LRP10: variants seen among roughly 807,000 people sequenced by gnomAD.
The protein encoded by LRP10 is low-density lipoprotein receptor-related protein 10.
A neutral mutation model predicts 58.5 loss-of-function variants in LRP10; 42 were observed. The ratio of observed to expected loss-of-function variants is 0.72; its 90% CI spans 0.56 to 0.93. LRP10 has a LOEUF of 0.93. Ranked by LOEUF, LRP10 falls within the 40% of genes least tolerant of loss-of-function variation. LRP10 has a pLI of 0.00. For missense variants in LRP10, 872 were observed against 940.1 expected (o/e 0.93, Z 0.95); for synonymous variants, 377 against 388.5 (o/e 0.97, Z 0.35).
chr14:22,872,372 T>A (rs1423937944), intron 1 of LRP10, 35 bp downstream of exon 1: 1 of 1,613,542 alleles, frequency 6.2e-7, no homozygotes, highest in Non-Finnish European at 8.5e-7. Flanking sequence ...CCCAGCCTTC[T>A]GTCACCGGGC....
chr14:22,873,483 C>G, intron 3 of LRP10, 37 bp downstream of exon 3: 1 of 1,602,144 alleles, frequency 6.2e-7, no homozygotes, highest in African/African-American at 1.3e-5. Flanking sequence ...CCATTCTTCT[C>G]CCCTGCCCCT....
In LRP10 at chr14:22,876,236, G is replaced by A; in HGVS notation, c.1288G>A (p.Glu430Lys). Reference sequence around the variant, plus strand: ...GCCAGACTGTGCGGACGGCAGTGATGAGTGGGACTGCTCCTATGTTCTGCC... The same window carrying A: ...GCCAGACTGTGCGGACGGCAGTGATAAGTGGGACTGCTCCTATGTTCTGCC... ...GQPDCADGSD[E>K]WDCSYVLPRK... The change falls in exon 5 of 7, where the codon GAG becomes AAG. Residue 430 changes from glutamate to lysine, a missense_variant. Coordinates refer to ENST00000359591, the MANE Select transcript of LRP10 (RefSeq NM_014045.5). The A allele has an allele frequency of 6.2e-7, 1 of 1,614,216 alleles. No homozygotes were observed. Among genetic ancestry groups the A allele is most frequent in the Non-Finnish European group, 8.5e-7 (1 of 1,180,040 alleles).
In LRP10 at chr14:22,876,052, C is replaced by T. The variant is rs780634991; in HGVS notation, c.1104C>T (p.Thr368=). 9 of 1,613,286 alleles carry T rather than the reference C, an allele frequency of 5.6e-6. No individual in the cohort carries two copies. The South Asian group carries it at 9.9e-5, about 18-fold the overall frequency. Residue 368 remains threonine, a synonymous_variant, in exon 5 of 7, where the codon ACC becomes ACT. Coordinates refer to ENST00000359591, the MANE Select transcript of LRP10 (RefSeq NM_014045.5). ...ACTTCCCCTGTGGGGCTGCTGGCAC[C>T]TCTGGTGCCACAGCCTGCTACCTGC... ...PGHFPCGAAG[T]SGATACYLPA... is the part of the protein sequence containing the mutation.
rs1295748192 is a variant in LRP10 at position 22,875,445 on chromosome 14, G to A, written c.497G>A (p.Gly166Asp). The stretch of plus-strand genomic sequence containing the variant: ...CGCTGTGATGGGGTTGATGCCTGTG[G>A]CGATGGCTCTGATGAAGCAGGTTGC... ...VQRCDGVDAC[G>D]DGSDEAGCSS... Residue 166 changes from glycine (G) to aspartate (D), a missense_variant, in exon 5 of 7, where the codon GGC (glycine) becomes GAC (aspartate). Physicochemically the swap from Gly to Asp is moderately conservative, Grantham distance 94. Coordinates refer to ENST00000359591, the MANE Select transcript of LRP10 (RefSeq NM_014045.5). 1 of 1,614,154 alleles carries A rather than the reference G, an allele frequency of 6.2e-7. No individual in the cohort carries two copies. The highest frequency in any genetic ancestry group is 1.1e-5 in the South Asian group (1 of 91,088).
Position 22,875,958 on chromosome 14 carries a change from G to A in LRP10, c.1010G>A (p.Arg337His), listed in dbSNP as rs770074265. The change falls in exon 5 of 7, where the codon CGC becomes CAC. Residue 337 changes from arginine to histidine, a missense_variant. By Grantham distance (29) the Arg-to-His change is conservative (BLOSUM62 0). Coordinates refer to ENST00000359591, the MANE Select transcript of LRP10 (RefSeq NM_014045.5). ...LGERCYSEAQRCDGSWDCADG... is the reference protein window; with the variant it reads ...LGERCYSEAQHCDGSWDCADG... The stretch of plus-strand genomic sequence containing the variant: ...GAGCGCTGCTACAGTGAGGCACAGC[G>A]CTGTGACGGCTCATGGGACTGTGCT... 37 of 1,613,460 alleles carry A rather than the reference G, an allele frequency of 2.3e-5. No homozygotes were observed. The highest frequency in any genetic ancestry group is 9.9e-5 in the South Asian group (9 of 91,094).
At chr14:22,875,009 C>A in intron 3 of LRP10, 46 bp from the exon 4 acceptor site, 1 of 1,373,028 alleles carries the variant, frequency 7.3e-7, no homozygotes, top group Non-Finnish European at 9.6e-7. Flanking sequence ...AGAAAGCCAG[C>A]AGCAGTCAAG....
chr14:22,872,804 G>A (rs1286112708), intron 2 of LRP10, 22 bp downstream of exon 2: 7 of 1,613,656 alleles, frequency 4.3e-6, no homozygotes, highest in African/African-American at 4.0e-5. Context: ...GAACCTCTGG[G>A]GCTCCGTGGG....
In LRP10 at chr14:22,877,470, A is replaced by T; in HGVS notation, c.2085A>T (p.Pro695=). The change falls in exon 7 of 7, where the codon CCA becomes CCT. Residue 695 remains proline (P), a synonymous_variant. Coordinates refer to ENST00000359591, the MANE Select transcript of LRP10 (RefSeq NM_014045.5). The surrounding 1 kb of genome is among the most constrained non-coding windows in gnomAD (Gnocchi z 5.1). ...ATGAGGACGATGTGCTACTGGTGCC[A>T]CTGGCTGAGCCGGGGGTGTGGGTAG... ...LEDEDDVLLV[P]LAEPGVWVAE... is the part of the protein sequence containing the mutation. The T allele has an allele frequency of 6.2e-7, 1 of 1,612,744 alleles. No individual in the cohort carries two copies. The highest frequency in any genetic ancestry group is 1.1e-5 in the South Asian group (1 of 91,062).
chr14:22,871,990 G>A lies in LRP10; in HGVS notation c.-314G>A. ...GCCAGACCAGGGGCGCTCGCTGCCT[G>A]CGGGCGGGCTGTAGGCGAGGGCGCG... On this transcript the variant is annotated 5_prime_UTR_variant, in exon 1 of 7. Coordinates refer to ENST00000359591, the MANE Select transcript of LRP10 (RefSeq NM_014045.5). 1.9e-6 allele frequency: 1 copy of A among 517,070 alleles called. No homozygotes were observed. Among genetic ancestry groups the A allele is most frequent in the Non-Finnish European group, 3.4e-6 (1 of 290,452 alleles). 32.0% of individuals were successfully genotyped at this position (517,070 alleles called of 1,614,324 possible).
intron 3 of LRP10, 129 bp from the exon 4 acceptor site, chr14:22,874,926 G>T: frequency 3.8e-6 from 2 of 522,270 alleles, no homozygotes; most frequent in South Asian, 1.0e-4. Flanking sequence ...GTTTTCATTT[G>T]GCCATTTAGA....
Position 22,878,908 on chromosome 14 carries a change from GGAAGGAAGATCGAGGCAGAAGATGTA to G in LRP10, c.*1390_*1415del. On this transcript the variant is annotated 3_prime_UTR_variant, in exon 7 of 7. Transcript: ENST00000359591. ...AGTGACAGAAGCTGCCCCAGAGTTT[GGAAGGAAGATCGAGGCAGAAGATGTA>G]GAAGGAAGCTGTGGGGGTGGGAGTG... 3.7e-6 allele frequency: 1 copy of G among 271,898 alleles called. No individual in the cohort carries two copies. The highest frequency in any genetic ancestry group is 7.8e-6 in the Non-Finnish European group (1 of 128,916). 16.8% of individuals were successfully genotyped at this position (271,898 alleles called of 1,614,324 possible).
rs200149859 is a variant in LRP10, at chr14:22,877,106, G to C, written c.1721G>C (p.Arg574Pro). 2 of 1,613,278 alleles carry C rather than the reference G, an allele frequency of 1.2e-6. No individual in the cohort carries two copies. Among genetic ancestry groups the C allele is most frequent in the Non-Finnish European group, 8.5e-7 (1 of 1,179,658 alleles). ...CTCCCTCGAACCAACACCCCGGCTCGGGCCTCTGAGGCCAGATCCCAGGTC... is the reference window on the plus strand; with the variant it reads ...CTCCCTCGAACCAACACCCCGGCTCCGGCCTCTGAGGCCAGATCCCAGGTC... ...GLLPRTNTPARASEARSQVTP... is the reference protein window; with the variant it reads ...GLLPRTNTPAPASEARSQVTP... Residue 574 changes from arginine (R) to proline (P), a missense_variant, in exon 7 of 7, where the codon CGG becomes CCG. Transcript: ENST00000359591. The surrounding 1 kb of genome is among the most constrained non-coding windows in gnomAD (Gnocchi z 5.1).
rs189303378 is a variant in LRP10, at chr14:22,872,868, G to A, written c.79+86G>A. ...ACTCTCTGTTCCCTGAATTCCATGG[G>A]ACCTACCAAAGTTTTAGAGGGGAGA... On this transcript the variant is annotated intron_variant, in intron 2 of 6. Coordinates refer to ENST00000359591, the MANE Select transcript of LRP10 (RefSeq NM_014045.5). 2.0e-3 allele frequency: 2,779 copies of A among 1,422,810 alleles called. 5 individuals carry two copies. Among genetic ancestry groups the A allele is most frequent in the Admixed American group, 2.6e-3 (148 of 56,304 alleles). 88.1% of individuals were successfully genotyped at this position (1,422,810 alleles called of 1,614,324 possible). A position where few individuals can be genotyped will look rare whatever the true frequency, so the allele number is the denominator to read the frequency against.
At chr14:22,873,986 G>A (rs1304002474) in intron 3 of LRP10, among the ~76,000 whole-genome samples, 1 of 152,188 alleles carries the variant, frequency 6.6e-6, no homozygotes, top group Non-Finnish European at 1.5e-5. Flanking sequence ...CTTGAGTCCT[G>A]CGCATCTCCA....
Position 22,877,735 on chromosome 14 carries a change from T to A in LRP10, c.*208T>A, listed in dbSNP as rs1300308944. ...GAGAGGGCTCACAGAGTCTCCTCTG[T>A]ACGTGGCCATGGCCAGACACCCCAG... On this transcript the variant is annotated 3_prime_UTR_variant, in exon 7 of 7. Transcript: ENST00000359591. This position sits in a 1 kb window ranked among gnomAD's most constrained non-coding sequence, Gnocchi z 5.1. 4.0e-6 allele frequency: 2 copies of A among 495,878 alleles called. No individual in the cohort carries two copies. The highest frequency in any genetic ancestry group is 7.1e-6 in the Non-Finnish European group (2 of 281,882). 30.7% of individuals were successfully genotyped at this position (495,878 alleles called of 1,614,324 possible).
At position 22,875,607 on chromosome 14, in the gene LRP10, G is replaced by T; in HGVS notation, c.659G>T (p.Cys220Phe). 1 of 1,614,144 alleles carries T rather than the reference G, an allele frequency of 6.2e-7. No individual in the cohort carries two copies. Among genetic ancestry groups the T allele is most frequent in the Non-Finnish European group, 8.5e-7 (1 of 1,180,046 alleles). ...HLASVSHPQS[C>F]HWLLDPHDGR... is the part of the protein sequence containing the mutation. ...GCCTCAGTCTCCCACCCCCAGTCCTGCCATTGGCTGCTGGACCCCCATGAT... is the reference window on the plus strand; with the variant it reads ...GCCTCAGTCTCCCACCCCCAGTCCTTCCATTGGCTGCTGGACCCCCATGAT... The change falls in exon 5 of 7, where the codon TGC (cysteine) becomes TTC (phenylalanine). Residue 220 changes from cysteine to phenylalanine, a missense_variant. Cys to Phe is a radical substitution (Grantham distance 205). Coordinates refer to ENST00000359591, the MANE Select transcript of LRP10 (RefSeq NM_014045.5).
At chr14:22,873,191 G>A in intron 2 of LRP10, 120 bp from the exon 3 acceptor site, 2 of 1,248,126 alleles carry the variant, frequency 1.6e-6, no homozygotes, top group South Asian at 2.9e-5. Flanking sequence ...GGCAGGGGCA[G>A]ATACTCTGCT....
At position 22,876,307 on chromosome 14, in the gene LRP10, C is replaced by A; in HGVS notation, c.1359C>A (p.Gly453=). Residue 453 remains glycine, a synonymous_variant, in exon 5 of 7, where the codon GGC becomes GGA. Coordinates refer to ENST00000359591, the MANE Select transcript of LRP10 (RefSeq NM_014045.5). ...TAAVIGSLVC[G]LLLVIALGCT... is the part of the protein sequence containing the mutation. Reference sequence around the variant, plus strand: ...CAGTCATTGGCAGCCTAGTGTGCGGCCTGCTCCTGGTCATCGCCCTGGGCT... The same window carrying A: ...CAGTCATTGGCAGCCTAGTGTGCGGACTGCTCCTGGTCATCGCCCTGGGCT... 6.2e-7 allele frequency: 1 copy of A among 1,614,108 alleles called. No homozygotes were observed. Among genetic ancestry groups the A allele is most frequent in the Non-Finnish European group, 8.5e-7 (1 of 1,180,046 alleles).
At position 22,881,671 on chromosome 14, in the gene LRP10, TGGAC is replaced by T. The variant is rs933883823; in HGVS notation, c.*4145_*4148del. 5.9e-5 allele frequency: 9 copies of T among 152,162 alleles called. No homozygotes were observed. Among genetic ancestry groups the T allele is most frequent in the African/African-American group, 2.2e-4 (9 of 41,426 alleles). The allele number at this position is 152,162 out of a possible 1,614,324, so 9.4% of individuals were successfully genotyped here. A position where few individuals can be genotyped will look rare whatever the true frequency, so the allele number is the denominator to read the frequency against. On this transcript the variant is annotated 3_prime_UTR_variant, in exon 7 of 7. Coordinates refer to ENST00000359591, the MANE Select transcript of LRP10 (RefSeq NM_014045.5). ...TAATCTACTAGTACAGGAACACACA[TGGAC>T]ACGTTAAAATTGTGAATAAAAGTAA...
Sources: allele counts gnomAD v4.1 joint callset (sites outside exome capture counted in the v4.1 genomes callset), GRCh38; gene constraint gnomAD v4.1.1; non-coding constraint Gnocchi (gnomAD v3.1); transcripts MANE v1.5; gene names NCBI Gene and HGNC (gene_info 2026-07-23, HGNC 2026-07-21).